Variants in SORCS2 observed in about 807,000 individuals in gnomAD.
The protein encoded by SORCS2 is sortilin related VPS10 domain containing receptor 2.
In SORCS2, 100 loss-of-function variants were observed where a neutral mutation model predicts 141.6. The ratio of observed to expected loss-of-function variants is 0.71; its 90% CI spans 0.60 to 0.83. The LOEUF is 0.83. Among genes scored for constraint, SORCS2 ranks in the 40% least tolerant of loss-of-function variants. The pLI is 0.00. For missense variants in SORCS2, 1,646 were observed against 1,560.2 expected, an observed-to-expected ratio of 1.05 and a Z score of -0.93; for synonymous variants, 789 against 676.9, an observed-to-expected ratio of 1.17 and a Z score of -2.57.
intron 1 of SORCS2, among the ~76,000 whole-genome samples, chr4:7,220,431 G>A (rs1262131346): frequency 1.3e-5 from 2 of 152,190 alleles, no homozygotes; most frequent in Non-Finnish European, 2.9e-5. Flanking sequence ...GGAAAGAAAA[G>A]GAATGAGTGG....
intron 2 of SORCS2, among the ~76,000 whole-genome samples, chr4:7,402,139 G>T (rs13132744): frequency 1.3e-5 from 2 of 152,006 alleles, no homozygotes; most frequent in Non-Finnish European, 2.9e-5. Context: ...CACCAGAGCC[G>T]AGTCCAGCTC....
At chr4:7,248,505 A>C (rs2008103) in intron 1 of SORCS2, among the ~76,000 whole-genome samples, 121,144 of 152,102 alleles carry the variant, frequency 0.8, 48,256 homozygotes, top group African/African-American at 0.81. Flanking sequence ...TTGAAGACAG[A>C]ATCTGTGAAG....
chr4:7,443,919 C>A (rs919345531), intron 2 of SORCS2, among the ~76,000 whole-genome samples: 1 of 152,252 alleles, frequency 6.6e-6, no homozygotes, highest in Admixed American at 6.5e-5. Flanking sequence ...CTGGCTGCCG[C>A]TGCTGGCCGA....
At chr4:7,646,220 C>T (rs147790171) in intron 4 of SORCS2, among the ~76,000 whole-genome samples, 10 of 152,334 alleles carry the variant, frequency 6.6e-5, no homozygotes, top group Middle Eastern at 6.8e-3. Flanking sequence ...CTCCGCACAG[C>T]GCACACGGGG....
At chr4:7,487,573 A>T (rs998926251) in intron 2 of SORCS2, among the ~76,000 whole-genome samples, 8 of 152,220 alleles carry the variant, frequency 5.3e-5, no homozygotes, top group African/African-American at 1.9e-4. Context: ...AGCGCGCTGC[A>T]TGCACCTGGC....
intron 1 of SORCS2, among the ~76,000 whole-genome samples, chr4:7,273,999 C>T (rs3846419): frequency 0.084 from 12,791 of 152,234 alleles, 782 homozygotes; most frequent in East Asian, 0.2. Flanking sequence ...CCCTCTGCCT[C>T]GTGCACTGCA....
intron 3 of SORCS2, among the ~76,000 whole-genome samples, chr4:7,635,347 C>T (rs113854420): frequency 1.6e-4 from 24 of 152,296 alleles, no homozygotes; most frequent in African/African-American, 5.1e-4. Context: ...AGCAGGAACT[C>T]GCTAGGCTAT....
At chr4:7,611,418 A>G (rs1415619780) in intron 3 of SORCS2, among the ~76,000 whole-genome samples, 1 of 152,164 alleles carries the variant, frequency 6.6e-6, no homozygotes, top group Non-Finnish European at 1.5e-5. Context: ...CTCAGCCCCA[A>G]GGGAAACCGG....
At chr4:7,637,891 C>T (rs891975547) in intron 3 of SORCS2, among the ~76,000 whole-genome samples, 2 of 151,304 alleles carry the variant, frequency 1.3e-5, no homozygotes. Context: ...ATTGAGCCGG[C>T]TGGGTTGAGA....
At chr4:7,222,018 T>C (rs1013656184) in intron 1 of SORCS2, among the ~76,000 whole-genome samples, 16 of 152,068 alleles carry the variant, frequency 1.1e-4, no homozygotes, top group African/African-American at 3.9e-4. Flanking sequence ...GAGCAAGTGA[T>C]GACCCACCCG....
chr4:7,330,216 A>T lies in SORCS2; in HGVS notation c.481-66072A>T, dbSNP rs531750158. ...TGATTGCATTAGGGCCATCTGGATA[A>T]TCCAGGATAATCTCCCCATCCCGAG... On this transcript the variant is annotated intron_variant, in intron 1 of 26. Coordinates refer to ENST00000507866, the MANE Select transcript of SORCS2 (RefSeq NM_020777.3). Among the ~76,000 whole-genome samples the T allele has an allele frequency of 6.6e-5, 10 of 151,980 alleles. 1 individual carries two copies. The South Asian group carries it at 2.1e-3, about 32-fold the overall frequency.
At chr4:7,271,741 G>A (rs1715143857) in intron 1 of SORCS2, among the ~76,000 whole-genome samples, 2 of 152,256 alleles carry the variant, frequency 1.3e-5, no homozygotes, top group South Asian at 4.1e-4. Context: ...TGGCATGAGT[G>A]GGCTGCCCAA....
At chr4:7,476,212 C>T (rs1198288602) in intron 2 of SORCS2, among the ~76,000 whole-genome samples, 1 of 152,174 alleles carries the variant, frequency 6.6e-6, no homozygotes, top group Non-Finnish European at 1.5e-5. Context: ...AGGAGAGATA[C>T]AGATGGAGGG....
intron 2 of SORCS2, among the ~76,000 whole-genome samples, chr4:7,452,189 G>A (rs1265266618): frequency 4.6e-5 from 7 of 151,746 alleles, no homozygotes; most frequent in African/African-American, 1.2e-4. Flanking sequence ...CACCCAGGCT[G>A]GAGTGCAGTG....
chr4:7,387,763 TACAC>T (rs1297223744), intron 1 of SORCS2, among the ~76,000 whole-genome samples: 1,585 of 111,562 alleles, frequency 0.014, 27 homozygotes, highest in African/African-American at 0.044. Context: ...TACACAGAAA[TACAC>T]ACATGCACAC....
At chr4:7,682,664 G>T in intron 9 of SORCS2, 79 bp from the exon 10 acceptor site, 1 of 1,421,938 alleles carries the variant, frequency 7.0e-7, no homozygotes, top group South Asian at 1.4e-5. Context: ...ACTTTAGCAA[G>T]GGGCTGGAGC....
chr4:7,576,568 G>A (rs1020245627), intron 3 of SORCS2, among the ~76,000 whole-genome samples: 1 of 152,194 alleles, frequency 6.6e-6, no homozygotes, highest in African/African-American at 2.4e-5. Flanking sequence ...GGAATGAATA[G>A]GAGTTGGCTG....
At chr4:7,704,741 G>A (rs1725307515) in intron 14 of SORCS2, among the ~76,000 whole-genome samples, 1 of 152,234 alleles carries the variant, frequency 6.6e-6, no homozygotes, top group South Asian at 2.1e-4. Context: ...GAGCCTCTCT[G>A]GCCCAGGAGC....
At chr4:7,523,184 A>T (rs1457746462) in intron 2 of SORCS2, among the ~76,000 whole-genome samples, 1 of 151,898 alleles carries the variant, frequency 6.6e-6, no homozygotes, top group Non-Finnish European at 1.5e-5. Context: ...CACAGATTCT[A>T]GGGAGAATTC....
Sources: gnomAD v4.1 joint callset for allele counts (sites outside exome capture counted in the v4.1 genomes callset) on GRCh38, gnomAD v4.1.1 for gene constraint, MANE v1.5 for transcripts, NCBI Gene and HGNC (gene_info 2026-07-23, HGNC 2026-07-21) for gene names.